The following TENM3 variants were observed in gnomAD, a reference collection of about 807,000 sequenced individuals.
TENM3 encodes teneurin transmembrane protein 3, also known as teneurin-3.
In TENM3, 63 loss-of-function variants were observed where a neutral mutation model predicts 255.1. The observed-to-expected ratio is 0.25, with a 90% confidence interval of 0.20 to 0.30. The LOEUF (loss-of-function observed/expected upper bound fraction) is 0.30. Among genes scored for constraint, TENM3 ranks in the 10% least tolerant of loss-of-function variants. The probability of loss-of-function intolerance (pLI) is 1.00; values close to 1 mark genes in which losing one functional copy is unlikely to be tolerated. For missense variants in TENM3, 2,929 were observed against 3,461.1 expected (o/e 0.85, Z 3.86); for synonymous variants, 1,306 against 1,322.3 (o/e 0.99, Z 0.27).
the TENM3 span, among the ~76,000 whole-genome samples, chr4:181,859,235 T>C: frequency 1.1e-5 from 1 of 91,208 alleles, no homozygotes. Context: ...AGAGTGAGAC[T>C]CGGTCTCAAA....
the TENM3 span, among the ~76,000 whole-genome samples, chr4:181,997,404 T>C: frequency 6.6e-6 from 1 of 152,174 alleles, no homozygotes; most frequent in Non-Finnish European, 1.5e-5. Flanking sequence ...ACTTATTCAA[T>C]GTTCCCGAAG....
chr4:182,067,931 T>C, the TENM3 span, among the ~76,000 whole-genome samples: 11 of 152,268 alleles, frequency 7.2e-5, no homozygotes, highest in Admixed American at 4.6e-4. Context: ...TTAGCTGTAA[T>C]TGTTTGCATT....
intron 1 of TENM3, among the ~76,000 whole-genome samples, chr4:182,257,445 C>A (rs139795997): frequency 0.018 from 2,690 of 152,222 alleles, 43 homozygotes; most frequent in Non-Finnish European, 0.023. Context: ...TGGAATGGGT[C>A]ATGGCGTTAC....
intron 1 of TENM3, among the ~76,000 whole-genome samples, chr4:182,295,267 T>TC (rs993643944): frequency 1.6e-5 from 2 of 127,106 alleles, no homozygotes; most frequent in African/African-American, 6.1e-5. Flanking sequence ...TTTTCTTTTT[T>TC]TTTTTTTTTT....
chr4:182,057,733 G>T, the TENM3 span, among the ~76,000 whole-genome samples: 1 of 152,010 alleles, frequency 6.6e-6, no homozygotes, highest in Non-Finnish European at 1.5e-5. Context: ...GGCTGGTCAT[G>T]TGGTTCTCTT....
chr4:182,129,939 T>C, the TENM3 span, among the ~76,000 whole-genome samples: 1 of 152,084 alleles, frequency 6.6e-6, no homozygotes, highest in African/African-American at 2.4e-5. Flanking sequence ...TATCTCCAAA[T>C]ACAGTATACA....
chr4:182,242,147 G>C (rs1251232849), upstream of TENM3, among the ~76,000 whole-genome samples: 1 of 148,300 alleles, frequency 6.7e-6, no homozygotes, highest in Admixed American at 6.7e-5. Flanking sequence ...CCATGTTGGT[G>C]TGCTGCACCC....
the TENM3 span, among the ~76,000 whole-genome samples, chr4:181,705,337 T>C: frequency 2.6e-5 from 4 of 152,190 alleles, no homozygotes; most frequent in Non-Finnish European, 5.9e-5. Context: ...GGAATACCAA[T>C]TTGGGGGAAG....
At chr4:182,320,324 G>A (rs1350902968) in intron 1 of TENM3, among the ~76,000 whole-genome samples, 1 of 152,190 alleles carries the variant, frequency 6.6e-6, no homozygotes, top group Admixed American at 6.5e-5. Flanking sequence ...GAGGTAAAAA[G>A]TGTGAGGTCA....
At chr4:181,596,284 A>G in the TENM3 span, among the ~76,000 whole-genome samples, 1 of 152,228 alleles carries the variant, frequency 6.6e-6, no homozygotes, top group Non-Finnish European at 1.5e-5. Context: ...AATCTGATCT[A>G]GAAGTAGCTG....
the TENM3 span, among the ~76,000 whole-genome samples, chr4:181,452,598 G>T: frequency 6.6e-6 from 1 of 152,130 alleles, no homozygotes; most frequent in East Asian, 1.9e-4. Context: ...GGCCTCCCCA[G>T]CCAGGCTGAA....
chr4:182,321,824 A>G (rs1763071554), intron 1 of TENM3, among the ~76,000 whole-genome samples: 1 of 151,738 alleles, frequency 6.6e-6, no homozygotes, highest in Admixed American at 6.6e-5. Flanking sequence ...GAGCTCCTAT[A>G]GTCCCAGTTA....
chr4:181,685,019 C>T, the TENM3 span, among the ~76,000 whole-genome samples: 1 of 150,574 alleles, frequency 6.6e-6, no homozygotes. Flanking sequence ...TCCCACCACC[C>T]TCCCAAAGTG....
chr4:181,587,298 T>C, the TENM3 span, among the ~76,000 whole-genome samples: 133 of 152,246 alleles, frequency 8.7e-4, no homozygotes, highest in Non-Finnish European at 1.5e-3. Context: ...TTTTAGCCAT[T>C]GAATCAATCA....
chr4:181,651,691 C>T, the TENM3 span, among the ~76,000 whole-genome samples: 8 of 152,166 alleles, frequency 5.3e-5, no homozygotes, highest in Middle Eastern at 3.4e-3. Flanking sequence ...AAACAAGATG[C>T]GTTACATCTA....
chr4:182,288,317 G>T (rs1250379346), intron 1 of TENM3, among the ~76,000 whole-genome samples: 2 of 152,180 alleles, frequency 1.3e-5, no homozygotes, highest in East Asian at 3.9e-4. Flanking sequence ...CAGTCCTCCT[G>T]CCTCAGCCTC....
At chr4:182,683,766 T>C (rs1756355108) in intron 11 of TENM3, among the ~76,000 whole-genome samples, 1 of 152,060 alleles carries the variant, frequency 6.6e-6, no homozygotes, top group African/African-American at 2.4e-5. Context: ...TCAGAGAGCA[T>C]GAATTGTGAG....
At chr4:182,719,260 T>TTTTC (rs1759472323) in intron 13 of TENM3, among the ~76,000 whole-genome samples, 2 of 123,790 alleles carry the variant, frequency 1.6e-5, no homozygotes, top group Admixed American at 1.7e-4. Context: ...TTCTTTTTTT[T>TTTTC]TTTTTTTTTT....
intron 6 of TENM3, among the ~76,000 whole-genome samples, chr4:182,655,264 C>T (rs1753657759): frequency 6.6e-6 from 1 of 152,044 alleles, no homozygotes; most frequent in Non-Finnish European, 1.5e-5. Context: ...TCGAATGGTA[C>T]TTATTAACCA....
Sources: gnomAD v4.1 joint callset for allele counts (sites outside exome capture counted in the v4.1 genomes callset) on GRCh38, gnomAD v4.1.1 for gene constraint, MANE v1.5 for transcripts, NCBI Gene and HGNC (gene_info 2026-07-23, HGNC 2026-07-21) for gene names.